The following FGF14 variants were observed in gnomAD, a reference collection of about 807,000 sequenced individuals.
FGF14 encodes the protein fibroblast growth factor 14.
In FGF14, 5 loss-of-function variants were observed where a neutral mutation model predicts 25.5. That is an observed-to-expected ratio of 0.20 (90% CI 0.10 to 0.41). The LOEUF is 0.41. FGF14 is among the 10% of genes least tolerant of loss of function. The probability of loss-of-function intolerance (pLI) is 1.00; values close to 1 mark genes in which losing one functional copy is unlikely to be tolerated. For synonymous variants in FGF14, 138 were observed against 118.3 expected, an observed-to-expected ratio of 1.17 and a Z score of -1.08; for missense variants, 222 against 320.1, an observed-to-expected ratio of 0.69 and a Z score of 2.34.
intron 1 of FGF14, among the ~76,000 whole-genome samples, chr13:102,330,609 A>G (rs980711868): frequency 6.6e-6 from 1 of 152,170 alleles, no homozygotes; most frequent in African/African-American, 2.4e-5. Flanking sequence ...GCTATCTACA[A>G]TAAAGTTTCA....
At chr13:101,849,793 G>A (rs999600347) in intron 3 of FGF14, among the ~76,000 whole-genome samples, 1 of 151,988 alleles carries the variant, frequency 6.6e-6, no homozygotes, top group Non-Finnish European at 1.5e-5. Context: ...TCCTGAAAAT[G>A]TTCCTCCTGG....
chr13:102,038,625 A>C (rs1054839962), intron 1 of FGF14, among the ~76,000 whole-genome samples: 1 of 152,058 alleles, frequency 6.6e-6, no homozygotes, highest in Non-Finnish European at 1.5e-5. Context: ...TTTTATTCTT[A>C]TCTTACTCAT....
At chr13:101,885,434 A>C (rs1052422561) in intron 1 of FGF14, among the ~76,000 whole-genome samples, 3 of 152,096 alleles carry the variant, frequency 2.0e-5, no homozygotes, top group African/African-American at 7.2e-5. Flanking sequence ...CCAAATGTAC[A>C]TTTAAGTCCT....
chr13:102,161,661 G>GTACCCC (rs1566765399), intron 1 of FGF14, among the ~76,000 whole-genome samples: 844 of 26,302 alleles, frequency 0.032, 69 homozygotes, highest in East Asian at 0.21. Context: ...AGAAGAAGAA[G>GTACCCC]AAGAAGAAGA....
intron 1 of FGF14, among the ~76,000 whole-genome samples, chr13:102,359,132 C>T (rs1421429136): frequency 6.6e-6 from 1 of 151,864 alleles, no homozygotes; most frequent in African/African-American, 2.4e-5. Flanking sequence ...AACACATTGG[C>T]ACAGGGAAGG....
intron 1 of FGF14, among the ~76,000 whole-genome samples, chr13:101,905,995 C>G (rs936851037): frequency 1.6e-4 from 24 of 151,920 alleles, no homozygotes; most frequent in African/African-American, 5.8e-4. Context: ...GTATGCAACA[C>G]TTCTCATCTG....
intron 1 of FGF14, among the ~76,000 whole-genome samples, chr13:102,120,055 G>C (rs2045647223): frequency 3.3e-5 from 5 of 152,110 alleles, no homozygotes; most frequent in Admixed American, 3.3e-4. Flanking sequence ...CCTCCTCAGA[G>C]CTCTTGATGC....
chr13:101,767,735 A>G (rs980107139), intron 3 of FGF14, among the ~76,000 whole-genome samples: 10 of 152,182 alleles, frequency 6.6e-5, no homozygotes, highest in Admixed American at 1.3e-4. Context: ...GTAAGAATTT[A>G]AAGACAATAG....
At chr13:101,996,637 A>G (rs2039201893) in intron 1 of FGF14, among the ~76,000 whole-genome samples, 1 of 152,156 alleles carries the variant, frequency 6.6e-6, no homozygotes, top group South Asian at 2.1e-4. Flanking sequence ...GAGAATAAAG[A>G]GCTGACCATT....
At chr13:101,958,719 A>G (rs780875653) in intron 1 of FGF14, among the ~76,000 whole-genome samples, 34 of 152,232 alleles carry the variant, frequency 2.2e-4, no homozygotes, top group Non-Finnish European at 4.1e-4. Context: ...TGTATAAACA[A>G]TCTCAGAACA....
At chr13:102,263,117 A>G (rs1224388812) in intron 1 of FGF14, 2 of 626,168 alleles carry the variant, frequency 3.2e-6, no homozygotes, top group Admixed American at 3.8e-5. Flanking sequence ...TTTCGTCTAA[A>G]TCCACTGGGG....
At chr13:102,283,723 C>A (rs189214895) in intron 1 of FGF14, among the ~76,000 whole-genome samples, 2 of 152,290 alleles carry the variant, frequency 1.3e-5, no homozygotes, top group Non-Finnish European at 2.9e-5. Context: ...TTTCTTTTCT[C>A]TAACGGTGTG....
intron 1 of FGF14, among the ~76,000 whole-genome samples, chr13:102,269,643 C>T (rs1161473526): frequency 1.3e-5 from 2 of 152,104 alleles, no homozygotes; most frequent in Non-Finnish European, 2.9e-5. Context: ...CCTGTCTCCG[C>T]CTCCTGAGTA....
At chr13:101,742,572 A>G (rs576571464) in intron 3 of FGF14, among the ~76,000 whole-genome samples, 1 of 152,292 alleles carries the variant, frequency 6.6e-6, no homozygotes, top group African/African-American at 2.4e-5. Context: ...TAAAATATTT[A>G]CCTCTATGGA....
chr13:101,763,684 A>G (rs1016676120), intron 3 of FGF14, among the ~76,000 whole-genome samples: 1 of 152,046 alleles, frequency 6.6e-6, no homozygotes, highest in Admixed American at 6.6e-5. Context: ...ACATGGTGAA[A>G]CCCCATCTCT....
intron 1 of FGF14, among the ~76,000 whole-genome samples, chr13:101,940,091 A>G (rs2035347946): frequency 6.6e-6 from 1 of 152,258 alleles, no homozygotes; most frequent in Non-Finnish European, 1.5e-5. Context: ...CCTGCAAAAG[A>G]GGACTTATCT....
intron 1 of FGF14, among the ~76,000 whole-genome samples, chr13:102,177,966 GTC>G (rs2048514449): frequency 6.6e-6 from 1 of 151,874 alleles, no homozygotes; most frequent in Non-Finnish European, 1.5e-5. Context: ...CATAGCACAT[GTC>G]TCTCTCAGTT....
intron 1 of FGF14, among the ~76,000 whole-genome samples, chr13:102,074,541 T>A (rs1402586561): frequency 6.6e-6 from 1 of 152,188 alleles, no homozygotes; most frequent in Non-Finnish European, 1.5e-5. Flanking sequence ...TTAGTTTACA[T>A]CTTCACAAAA....
At chr13:102,284,020 T>A (rs879320523) in intron 1 of FGF14, among the ~76,000 whole-genome samples, 2 of 152,212 alleles carry the variant, frequency 1.3e-5, no homozygotes, top group Non-Finnish European at 2.9e-5. Context: ...AACTAGATGA[T>A]CCTTAATATT....
Sources: allele counts gnomAD v4.1 joint callset (sites outside exome capture counted in the v4.1 genomes callset), GRCh38; gene constraint gnomAD v4.1.1; transcripts MANE v1.5; gene names NCBI Gene and HGNC (gene_info 2026-07-23, HGNC 2026-07-21).